The following SUMF1 variants were observed in gnomAD, a reference collection of about 807,000 sequenced individuals.
The protein encoded by SUMF1 is sulfatase modifying factor 1.
SUMF1 carries 48 observed loss-of-function variants against 47.6 expected under a neutral mutation model. That is an observed-to-expected ratio of 1.01 (90% CI 0.80 to 1.28). SUMF1 has a LOEUF of 1.28. SUMF1 is among the 50% of genes most tolerant of loss of function. The pLI, the probability that SUMF1 is intolerant of heterozygous loss-of-function variation, is 0.00. For missense variants in SUMF1, 571 were observed against 485.4 expected (o/e 1.18, Z -1.66); for synonymous variants, 230 against 192.1 (o/e 1.20, Z -1.63).
intron 8 of SUMF1, among the ~76,000 whole-genome samples, chr3:4,146,533 T>G (rs944237520): frequency 2.6e-5 from 4 of 151,992 alleles, no homozygotes; most frequent in African/African-American, 7.3e-5. Flanking sequence ...CTCTTGGAAT[T>G]TCTTTTTTTT....
At chr3:4,237,230 C>A (rs1050602439) in intron 8 of SUMF1, among the ~76,000 whole-genome samples, 11 of 152,074 alleles carry the variant, frequency 7.2e-5, no homozygotes, top group Non-Finnish European at 5.9e-5. Context: ...GTGGCTGTAC[C>A]ATTTTGCATT....
chr3:4,367,646 C>G (rs1700023428), intron 8 of SUMF1, among the ~76,000 whole-genome samples: 1 of 152,194 alleles, frequency 6.6e-6, no homozygotes, highest in African/African-American at 2.4e-5. Context: ...AGATATAGAT[C>G]AATGGAACAG....
rs181959101 is a variant in SUMF1 at position 4,172,482 on chromosome 3, T to C, written c.1015-103737A>G. ...GGCATTCTTCTGAGAACTTTCCTTATACAACTCATTTAAATCTTTATAGCA... is the reference window on the plus strand; with the variant it reads ...GGCATTCTTCTGAGAACTTTCCTTACACAACTCATTTAAATCTTTATAGCA... On this transcript the variant is annotated intron_variant and NMD_transcript_variant, in intron 8 of 12. Transcript: ENST00000448413. 5.9e-5 allele frequency among the ~76,000 whole-genome samples: 9 copies of C among 152,290 alleles called. No individual in the cohort carries two copies. In the East Asian group the frequency reaches 9.6e-4, roughly 16 times the overall value.
chr3:4,255,076 T>C (rs1344559569), intron 8 of SUMF1, among the ~76,000 whole-genome samples: 2 of 150,468 alleles, frequency 1.3e-5, no homozygotes, highest in East Asian at 3.9e-4. Flanking sequence ...AGAGATTTTG[T>C]CACCACCAGG....
intron 8 of SUMF1, among the ~76,000 whole-genome samples, chr3:4,128,509 C>A (rs1693710491): frequency 6.6e-6 from 1 of 152,132 alleles, no homozygotes; most frequent in African/African-American, 2.4e-5. Flanking sequence ...CCTGGGGCAA[C>A]AGTGTTGGCC....
intron 8 of SUMF1, among the ~76,000 whole-genome samples, chr3:4,092,664 A>G (rs1329613757): frequency 6.6e-6 from 1 of 152,164 alleles, no homozygotes; most frequent in African/African-American, 2.4e-5. Context: ...GTATAAAAGC[A>G]ATAATTCTTG....
chr3:4,190,368 T>C (rs1251252513), intron 8 of SUMF1, among the ~76,000 whole-genome samples: 1 of 152,144 alleles, frequency 6.6e-6, no homozygotes, highest in Non-Finnish European at 1.5e-5. Flanking sequence ...CATTACCACG[T>C]AGGCTTGCAT....
intron 9 of SUMF1, among the ~76,000 whole-genome samples, chr3:4,045,846 T>C (rs1423625021): frequency 2.0e-5 from 3 of 152,078 alleles, no homozygotes; most frequent in African/African-American, 7.2e-5. Flanking sequence ...GTCTAAAGTA[T>C]ATGAGGTCTA....
At chr3:4,238,535 G>A (rs1313285536) in intron 8 of SUMF1, among the ~76,000 whole-genome samples, 2 of 151,948 alleles carry the variant, frequency 1.3e-5, no homozygotes, top group African/African-American at 4.8e-5. Context: ...CAGTGACGAT[G>A]AGTTTTTCAT....
intron 8 of SUMF1, among the ~76,000 whole-genome samples, chr3:4,273,776 G>GGGAGGATACGGGA (rs1697355601): frequency 2.9e-4 from 26 of 89,576 alleles, no homozygotes; most frequent in Non-Finnish European, 4.4e-4. Context: ...GGATACGGGA[G>GGGAGGATACGGGA]GGGAGGATAC....
chr3:4,351,446 A>G (rs1179449445), intron 8 of SUMF1, among the ~76,000 whole-genome samples: 2 of 151,460 alleles, frequency 1.3e-5, no homozygotes, highest in Admixed American at 6.6e-5. Context: ...TCAGACCGCT[A>G]TTTCATGAGG....
Position 4,452,511 on chromosome 3 carries a change from T to C in SUMF1, c.444+365A>G, listed in dbSNP as rs116480974. ...GTGGTCTTACTTTACATGCCATCTG[T>C]TATCTCAAAAAGCCTTAGTGGACAG... On this transcript the variant is annotated intron_variant, in intron 2 of 8. Transcript: ENST00000272902. Among the ~76,000 whole-genome samples, 1,097 of 152,362 alleles carry C rather than the reference T, an allele frequency of 7.2e-3. 16 individuals carry two copies. Among genetic ancestry groups the C allele is most frequent in the African/African-American group, 0.024 (1,004 of 41,576 alleles).
chr3:4,324,238 G>C (rs1244446800), intron 8 of SUMF1, among the ~76,000 whole-genome samples: 1 of 152,028 alleles, frequency 6.6e-6, no homozygotes, highest in Non-Finnish European at 1.5e-5. Flanking sequence ...AAATGTCAAA[G>C]ACCTACACTG....
Position 4,420,070 on chromosome 3 carries a change from A to G in SUMF1, c.596T>C (p.Leu199Pro). 2 of 1,614,010 alleles carry G rather than the reference A, an allele frequency of 1.2e-6. No individual in the cohort carries two copies. Among genetic ancestry groups the G allele is most frequent in the Non-Finnish European group, 1.7e-6 (2 of 1,179,892 alleles). ...RHPEGPDSTILHRPDHPVLHV... is the reference protein window; with the variant it reads ...RHPEGPDSTIPHRPDHPVLHV... The stretch of plus-strand genomic sequence containing the variant: ...AAAGAGGGACCAGCCTCACCTGTGC[A>G]GAATAGTAGAGTCAGGCCCTTCTGG... The change falls in exon 4 of 9, where the codon CTG becomes CCG. Residue 199 changes from leucine to proline, a missense_variant. Coordinates refer to ENST00000272902, the MANE Select transcript of SUMF1 (RefSeq NM_182760.4).
intron 8 of SUMF1, among the ~76,000 whole-genome samples, chr3:4,265,656 A>G (rs1697177852): frequency 6.6e-6 from 1 of 152,256 alleles, no homozygotes; most frequent in South Asian, 2.1e-4. Flanking sequence ...TAGGTTGCGA[A>G]AATTTTCTCC....
At chr3:4,406,727 G>A (rs1234748033) in intron 7 of SUMF1, among the ~76,000 whole-genome samples, 1 of 152,084 alleles carries the variant, frequency 6.6e-6, no homozygotes, top group African/African-American at 2.4e-5. Context: ...CCACCTAAAT[G>A]CAATTGTGTC....
At chr3:4,200,306 G>A (rs754127651) in intron 8 of SUMF1, among the ~76,000 whole-genome samples, 22 of 151,962 alleles carry the variant, frequency 1.4e-4, no homozygotes, top group Middle Eastern at 3.4e-3. Context: ...TGTTTCCAGA[G>A]GAGACTGGTG....
At position 4,095,278 on chromosome 3, in the gene SUMF1, A is replaced by G. The variant is rs559693002; in HGVS notation, c.1015-26533T>C. Reference sequence around the variant, plus strand: ...TAAAACTCTGACCATAGGGCACCATAAGCAACAGAACAAATGGAGTTCTGC... The same window carrying G: ...TAAAACTCTGACCATAGGGCACCATGAGCAACAGAACAAATGGAGTTCTGC... On this transcript the variant is annotated intron_variant and NMD_transcript_variant, in intron 8 of 12. Coordinates refer to the SUMF1 transcript ENST00000448413. Among the ~76,000 whole-genome samples the G allele has an allele frequency of 2.0e-5, 3 of 152,150 alleles. No individual in the cohort carries two copies. The South Asian group carries it at 6.2e-4, about 32-fold the overall frequency.
At chr3:4,326,677 C>G (rs1698953111) in intron 8 of SUMF1, among the ~76,000 whole-genome samples, 1 of 151,970 alleles carries the variant, frequency 6.6e-6, no homozygotes, top group Non-Finnish European at 1.5e-5. Context: ...GCCACCATAA[C>G]CAGATAATTT....
Sources: allele counts gnomAD v4.1 joint callset (sites outside exome capture counted in the v4.1 genomes callset), GRCh38; gene constraint gnomAD v4.1.1; transcripts MANE v1.5; gene names NCBI Gene and HGNC (gene_info 2026-07-23, HGNC 2026-07-21).